Variants in GRIK4 observed in about 807,000 individuals in gnomAD.
The protein encoded by GRIK4 is glutamate ionotropic receptor kainate type subunit 4.
GRIK4 carries 40 observed loss-of-function variants against 104.9 expected under a neutral mutation model. That is an observed-to-expected ratio of 0.38 (90% CI 0.30 to 0.50). The LOEUF (loss-of-function observed/expected upper bound fraction) is 0.50, where lower values mean the gene tolerates loss of function less well. GRIK4 is among the 20% of genes least tolerant of loss of function. The pLI, the probability that GRIK4 is intolerant of heterozygous loss-of-function variation, is 0.93. For missense variants in GRIK4, 1,047 were observed against 1,308.1 expected (o/e 0.80, Z 3.08); for synonymous variants, 485 against 524.9 (o/e 0.92, Z 1.04).
At chr11:120,975,339 G>C (rs1478624160) in intron 19 of GRIK4, among the ~76,000 whole-genome samples, 1 of 152,180 alleles carries the variant, frequency 6.6e-6, no homozygotes, top group African/African-American at 2.4e-5. Flanking sequence ...GGTTTCTCTG[G>C]AGAGAGCCGA....
chr11:120,561,637 G>A (rs1948240460), intron 1 of GRIK4, among the ~76,000 whole-genome samples: 1 of 152,232 alleles, frequency 6.6e-6, no homozygotes, highest in African/African-American at 2.4e-5. Context: ...GGCAGCCCAT[G>A]TATGCCTAGG....
Position 120,769,998 on chromosome 11 carries a change from A to G in GRIK4, c.83-32695A>G, listed in dbSNP as rs1272950808. 2.0e-5 allele frequency among the ~76,000 whole-genome samples: 3 copies of G among 152,148 alleles called. No homozygotes were observed. The East Asian group carries it at 5.8e-4, about 29-fold the overall frequency. On this transcript the variant is annotated intron_variant, in intron 3 of 20. Transcript: ENST00000527524. Reference sequence around the variant, plus strand: ...AAATAATGGCAATGGGCTGAGAAATATTTCCCTCACTTCCAGGTAACACCC... The same window carrying G: ...AAATAATGGCAATGGGCTGAGAAATGTTTCCCTCACTTCCAGGTAACACCC...
chr11:120,714,194 T>G (rs540200248), intron 3 of GRIK4, among the ~76,000 whole-genome samples: 16 of 152,344 alleles, frequency 1.1e-4, no homozygotes, highest in African/African-American at 3.6e-4. Context: ...AGCCTTTCAA[T>G]AGCGGTGACT....
chr11:120,679,022 A>G (rs114191396), intron 3 of GRIK4, among the ~76,000 whole-genome samples: 3,353 of 152,140 alleles, frequency 0.022, 111 homozygotes, highest in African/African-American at 0.076. Context: ...AGTGCAGAGA[A>G]CACCCTAAAG....
At chr11:120,589,269 C>A (rs1157546051) in intron 1 of GRIK4, among the ~76,000 whole-genome samples, 5 of 152,170 alleles carry the variant, frequency 3.3e-5, no homozygotes, top group African/African-American at 9.7e-5. Flanking sequence ...CCTTGAGAGC[C>A]GCTGCACTAC....
intron 19 of GRIK4, among the ~76,000 whole-genome samples, chr11:120,973,791 G>T (rs1944514707): frequency 6.6e-6 from 1 of 152,220 alleles, no homozygotes; most frequent in South Asian, 2.1e-4. Flanking sequence ...GAAACGGGAG[G>T]TGCCATTGCT....
At chr11:120,548,161 C>T (rs1229333353) in intron 1 of GRIK4, among the ~76,000 whole-genome samples, 2 of 152,152 alleles carry the variant, frequency 1.3e-5, no homozygotes, top group African/African-American at 2.4e-5. Context: ...CACGCTGTCT[C>T]CCTTGTGCTG....
At chr11:120,760,021 A>G (rs749543342) in intron 3 of GRIK4, among the ~76,000 whole-genome samples, 1 of 151,948 alleles carries the variant, frequency 6.6e-6, no homozygotes, top group Non-Finnish European at 1.5e-5. Flanking sequence ...CACACTTTAT[A>G]TTAGAGATTT....
chr11:120,532,297 C>T (rs1947931749), intron 1 of GRIK4, among the ~76,000 whole-genome samples: 1 of 152,172 alleles, frequency 6.6e-6, no homozygotes, highest in Non-Finnish European at 1.5e-5. Context: ...CCCTACCCCG[C>T]CCCCAGCTTC....
At chr11:120,690,898 C>A (rs967540914) in intron 3 of GRIK4, among the ~76,000 whole-genome samples, 3 of 152,220 alleles carry the variant, frequency 2.0e-5, no homozygotes, top group Admixed American at 6.5e-5. Flanking sequence ...GAAGTTATCA[C>A]GTCCTTGTAG....
chr11:120,688,468 A>C (rs1323953287), intron 3 of GRIK4, among the ~76,000 whole-genome samples: 1 of 152,216 alleles, frequency 6.6e-6, no homozygotes, highest in African/African-American at 2.4e-5. Context: ...GGGCTGCCTC[A>C]CCATGAAGAA....
Position 120,901,350 on chromosome 11 carries a change from C to A in GRIK4, c.1272+2711C>A, listed in dbSNP as rs575118254. 3.3e-5 allele frequency among the ~76,000 whole-genome samples: 5 copies of A among 152,148 alleles called. No individual in the cohort carries two copies. The East Asian group carries it at 9.7e-4, about 30-fold the overall frequency. The stretch of plus-strand genomic sequence containing the variant: ...GCTCGCTGCATCCTGCCCCTCCCTG[C>A]CTTGGCACATGCTGTTCCTTATGCC... On this transcript the variant is annotated intron_variant, in intron 12 of 20. Coordinates refer to ENST00000527524, the MANE Select transcript of GRIK4 (RefSeq NM_014619.5).
At chr11:120,813,319 C>G (rs562061242) in intron 4 of GRIK4, among the ~76,000 whole-genome samples, 3 of 152,076 alleles carry the variant, frequency 2.0e-5, no homozygotes, top group African/African-American at 7.2e-5. Context: ...CCAGTAAAAT[C>G]AGGAGATAAG....
intron 11 of GRIK4, among the ~76,000 whole-genome samples, chr11:120,876,313 CCACTACCACCATTAT>C (rs1343554061): frequency 7.2e-6 from 1 of 139,196 alleles, no homozygotes; most frequent in Admixed American, 7.1e-5. Context: ...AACCACAAAA[CCACTACCACCATTAT>C]CACTACCACC....
At chr11:120,797,901 G>A (rs1591927189) in intron 3 of GRIK4, among the ~76,000 whole-genome samples, 1 of 152,254 alleles carries the variant, frequency 6.6e-6, no homozygotes, top group Admixed American at 6.5e-5. Flanking sequence ...CTGTCTCAAG[G>A]TGTGTGCAGT....
chr11:120,624,685 G>C (rs1949234109), intron 1 of GRIK4, among the ~76,000 whole-genome samples: 1 of 152,134 alleles, frequency 6.6e-6, no homozygotes, highest in South Asian at 2.1e-4. Flanking sequence ...GAGCACCTTG[G>C]GAATTGCTCT....
At position 120,967,139 on chromosome 11, in the gene GRIK4, G is replaced by GGTCGCCGT; in HGVS notation, c.2267-56_2267-55insGTCGCCGT. The GGTCGCCGT allele has an allele frequency of 6.4e-7, 1 of 1,560,852 alleles. No homozygotes were observed. The highest frequency in any genetic ancestry group is 8.7e-7 in the Non-Finnish European group (1 of 1,150,308). On this transcript the variant is annotated intron_variant, in intron 18 of 20. Transcript: ENST00000527524. The surrounding 1 kb of genome is among the most constrained non-coding windows in gnomAD (Gnocchi z 4.2). Reference sequence around the variant, plus strand: ...GGTGTGCCGGGAAGGGGAGCAGAGTGACACCTAACAGGGCATTCACAACCT... The same window carrying GGTCGCCGT: ...GGTGTGCCGGGAAGGGGAGCAGAGTGGTCGCCGTACACCTAACAGGGCATTCACAACCT...
intron 6 of GRIK4, among the ~76,000 whole-genome samples, chr11:120,831,603 G>T (rs1565379547): frequency 6.6e-6 from 1 of 152,180 alleles, no homozygotes; most frequent in East Asian, 1.9e-4. Flanking sequence ...TACCTTAAAA[G>T]AACGTTCTCG....
intron 1 of GRIK4, among the ~76,000 whole-genome samples, chr11:120,619,634 C>T (rs1157111159): frequency 3.9e-5 from 6 of 152,046 alleles, no homozygotes; most frequent in African/African-American, 7.2e-5. Context: ...CTGTTGGTGC[C>T]GTTCTTGTGA....
Sources: allele counts gnomAD v4.1 joint callset (sites outside exome capture counted in the v4.1 genomes callset), GRCh38; gene constraint gnomAD v4.1.1; non-coding constraint Gnocchi (gnomAD v3.1); transcripts MANE v1.5; gene names NCBI Gene and HGNC (gene_info 2026-07-23, HGNC 2026-07-21).